The following GUCY1A2 variants were observed in gnomAD, a reference collection of about 807,000 sequenced individuals.
GUCY1A2 encodes guanylate cyclase soluble subunit alpha-2.
Under a neutral mutation model 63.5 loss-of-function variants are expected in GUCY1A2, and 27 were observed. The observed-to-expected ratio is 0.43, with a 90% CI of 0.31 to 0.59. GUCY1A2 has a LOEUF of 0.59. GUCY1A2 is among the 20% of genes least tolerant of loss of function. The pLI is 0.11. For missense variants in GUCY1A2, 768 were observed against 913.3 expected (o/e 0.84, Z 2.05); for synonymous variants, 364 against 343.5 (o/e 1.06, Z -0.66).
intron 4 of GUCY1A2, among the ~76,000 whole-genome samples, chr11:106,833,418 T>C (rs1859077248): frequency 6.6e-6 from 1 of 152,072 alleles, no homozygotes; most frequent in African/African-American, 2.4e-5. Context: ...ACAGAATGCA[T>C]TAAGAAAATG....
intron 6 of GUCY1A2, among the ~76,000 whole-genome samples, chr11:106,771,408 G>C (rs1254739227): frequency 2.0e-5 from 3 of 152,166 alleles, no homozygotes; most frequent in African/African-American, 4.8e-5. Context: ...ACAAGGAAGA[G>C]AGAATACAAA....
chr11:106,964,256 A>G (rs989137568), intron 3 of GUCY1A2, among the ~76,000 whole-genome samples: 3 of 152,224 alleles, frequency 2.0e-5, no homozygotes, highest in African/African-American at 7.2e-5. Flanking sequence ...CCAGTACAGG[A>G]TCATGCTTTG....
At chr11:106,953,153 T>C (rs928320279) in intron 3 of GUCY1A2, among the ~76,000 whole-genome samples, 1 of 152,210 alleles carries the variant, frequency 6.6e-6, no homozygotes, top group African/African-American at 2.4e-5. Context: ...CCATATGATA[T>C]TGGCTGTGGG....
intron 4 of GUCY1A2, among the ~76,000 whole-genome samples, chr11:106,931,926 T>TA (rs1591332408): frequency 2.0e-5 from 3 of 152,238 alleles, no homozygotes; most frequent in African/African-American, 7.2e-5. Context: ...ATTCATTTAC[T>TA]AAAAATTATT....
intron 1 of GUCY1A2, among the ~76,000 whole-genome samples, 178 bp from the exon 2 acceptor site, chr11:106,986,309 A>G (rs1164983479): frequency 1.3e-5 from 2 of 152,130 alleles, no homozygotes; most frequent in African/African-American, 4.8e-5. Flanking sequence ...AATATGAGGC[A>G]CTCGGCAATT....
chr11:106,860,378 A>G (rs778185233), intron 4 of GUCY1A2, among the ~76,000 whole-genome samples: 4 of 151,932 alleles, frequency 2.6e-5, no homozygotes, highest in Non-Finnish European at 4.4e-5. Context: ...AACATTTTAC[A>G]TATTAAATAT....
chr11:107,002,818 G>T (rs961721428), intron 1 of GUCY1A2, among the ~76,000 whole-genome samples: 3 of 152,110 alleles, frequency 2.0e-5, no homozygotes, highest in Admixed American at 6.6e-5. Context: ...AAAATTACTG[G>T]CCAATGACTA....
Position 106,805,591 on chromosome 11 carries a change from C to T in GUCY1A2, c.1692+4402G>A, listed in dbSNP as rs545991737. On this transcript the variant is annotated intron_variant, in intron 5 of 7. Transcript: ENST00000526355. ...TACCTGGGTAAGATGATTTTTAAAA[C>T]CAGATCAACTTTTATTCCACTTCAC... Among the ~76,000 whole-genome samples, 3 of 152,262 alleles carry T rather than the reference C, an allele frequency of 2.0e-5. No individual in the cohort carries two copies. In the South Asian group the frequency reaches 6.2e-4, roughly 32 times the overall value.
chr11:106,976,334 C>CA (rs1465527270), intron 3 of GUCY1A2, among the ~76,000 whole-genome samples: 2 of 152,044 alleles, frequency 1.3e-5, no homozygotes, highest in Non-Finnish European at 2.9e-5. Flanking sequence ...AACAACCTCC[C>CA]AAAAAACAAT....
chr11:106,949,682 C>T (rs1591339558), intron 3 of GUCY1A2, among the ~76,000 whole-genome samples: 1 of 152,036 alleles, frequency 6.6e-6, no homozygotes, highest in South Asian at 2.1e-4. Flanking sequence ...CAGACTTAAC[C>T]TCTTGAAGAA....
chr11:106,904,072 A>G (rs772605161), intron 4 of GUCY1A2, among the ~76,000 whole-genome samples: 12 of 152,306 alleles, frequency 7.9e-5, no homozygotes, highest in Non-Finnish European at 1.6e-4. Flanking sequence ...AAAGTTATTT[A>G]TAAGTAACCA....
chr11:106,986,252 G>A (rs945458147), intron 1 of GUCY1A2, 121 bp from the exon 2 acceptor site: 21 of 563,568 alleles, frequency 3.7e-5, no homozygotes, highest in Non-Finnish European at 6.3e-5. Context: ...TCCTTCTACA[G>A]TATTAACCCA....
intron 4 of GUCY1A2, among the ~76,000 whole-genome samples, chr11:106,898,779 A>G (rs1860086266): frequency 6.6e-6 from 1 of 152,178 alleles, no homozygotes; most frequent in African/African-American, 2.4e-5. Context: ...AATGGTGGAC[A>G]TGTCATTATA....
At chr11:106,842,743 G>C (rs1859217478) in intron 4 of GUCY1A2, among the ~76,000 whole-genome samples, 1 of 151,938 alleles carries the variant, frequency 6.6e-6, no homozygotes, top group African/African-American at 2.4e-5. Context: ...ATGAAGGTGG[G>C]TGGTGGGTGG....
At chr11:106,940,509 T>C (rs185952510) in intron 3 of GUCY1A2, among the ~76,000 whole-genome samples, 1 of 152,280 alleles carries the variant, frequency 6.6e-6, no homozygotes, top group African/African-American at 2.4e-5. Flanking sequence ...CCCCGACACA[T>C]GCACAGCCTG....
At chr11:106,943,997 G>T (rs1860787633) in intron 3 of GUCY1A2, among the ~76,000 whole-genome samples, 1 of 151,756 alleles carries the variant, frequency 6.6e-6, no homozygotes, top group Admixed American at 6.6e-5. Context: ...CTTGAGTCCA[G>T]AAGTTCAAGA....
intron 3 of GUCY1A2, among the ~76,000 whole-genome samples, chr11:106,963,430 A>G (rs1861085820): frequency 6.6e-6 from 1 of 152,218 alleles, no homozygotes; most frequent in Non-Finnish European, 1.5e-5. Flanking sequence ...TATTCTTTGA[A>G]AATGTGATTT....
intron 7 of GUCY1A2, among the ~76,000 whole-genome samples, chr11:106,704,990 G>A (rs1565262917): frequency 6.6e-6 from 1 of 151,568 alleles, no homozygotes; most frequent in East Asian, 1.9e-4. Flanking sequence ...TCCCATCATT[G>A]GGATGATGGG....
chr11:106,798,005 T>C, intron 5 of GUCY1A2, among the ~76,000 whole-genome samples: 1 of 151,870 alleles, frequency 6.6e-6, no homozygotes, highest in East Asian at 1.9e-4. Context: ...ATTAACAAAA[T>C]TGATAGACCA....
Sources: allele counts gnomAD v4.1 joint callset (sites outside exome capture counted in the v4.1 genomes callset), GRCh38; gene constraint gnomAD v4.1.1; transcripts MANE v1.5; gene names NCBI Gene and HGNC (gene_info 2026-07-23, HGNC 2026-07-21).